PLCB4: variants seen among roughly 807,000 people sequenced by gnomAD.
The protein encoded by PLCB4 is 1-phosphatidylinositol 4,5-bisphosphate phosphodiesterase beta-4.
In PLCB4, 77 loss-of-function variants were observed where a neutral mutation model predicts 178.8. The observed-to-expected ratio is 0.43, with a 90% CI of 0.36 to 0.52. The LOEUF (loss-of-function observed/expected upper bound fraction) is 0.52, where lower values mean the gene tolerates loss of function less well. Among genes scored for constraint, PLCB4 ranks in the 20% least tolerant of loss-of-function variants. The pLI is 0.00. For missense variants in PLCB4, 1,024 were observed against 1,453.4 expected (o/e 0.70, Z 4.80); for synonymous variants, 496 against 490.8 (o/e 1.01, Z -0.14).
intron 14 of PLCB4, among the ~76,000 whole-genome samples, chr20:9,387,222 G>A (rs1317930612): frequency 6.6e-6 from 1 of 152,098 alleles, no homozygotes. Flanking sequence ...CCAGAACCAT[G>A]ATGCTTGTTA....
intron 2 of PLCB4, among the ~76,000 whole-genome samples, chr20:9,206,292 CT>C (rs2093612571): frequency 1.1e-5 from 1 of 90,970 alleles, no homozygotes; most frequent in African/African-American, 4.6e-5. Context: ...CCTTTTTTTT[CT>C]TTTTTCTTTT....
At chr20:9,211,931 A>G (rs2093677381) in intron 2 of PLCB4, among the ~76,000 whole-genome samples, 1 of 152,184 alleles carries the variant, frequency 6.6e-6, no homozygotes, top group South Asian at 2.1e-4. Flanking sequence ...TTAGTGGGAG[A>G]GTGTTCCGCT....
intron 19 of PLCB4, among the ~76,000 whole-genome samples, chr20:9,398,085 G>A (rs986901121): frequency 2.6e-5 from 4 of 152,180 alleles, no homozygotes; most frequent in African/African-American, 9.7e-5. Context: ...GCTTCTCATA[G>A]CACGATGGCT....
chr20:9,117,541 A>C, intron 2 of PLCB4, among the ~76,000 whole-genome samples: 1 of 152,160 alleles, frequency 6.6e-6, no homozygotes, highest in East Asian at 1.9e-4. Flanking sequence ...TATCTTCAAA[A>C]ATTTAAATAA....
At chr20:9,325,409 A>C (rs1020151185) in intron 4 of PLCB4, among the ~76,000 whole-genome samples, 7 of 152,164 alleles carry the variant, frequency 4.6e-5, no homozygotes, top group Non-Finnish European at 7.3e-5. Flanking sequence ...TCTTGAAAAC[A>C]CATTTTGCTT....
chr20:9,193,643 T>C (rs2093432385), intron 2 of PLCB4, among the ~76,000 whole-genome samples: 1 of 152,160 alleles, frequency 6.6e-6, no homozygotes, highest in African/African-American at 2.4e-5. Flanking sequence ...GAGGTGACTC[T>C]TGAAAAAAGA....
At chr20:9,100,495 G>C (rs888518070) in intron 2 of PLCB4, among the ~76,000 whole-genome samples, 14 of 152,034 alleles carry the variant, frequency 9.2e-5, no homozygotes, top group Admixed American at 6.6e-4. Flanking sequence ...AAAATCAAAA[G>C]AAACCACTTA....
At chr20:9,285,859 G>A (rs1371165200) in intron 3 of PLCB4, among the ~76,000 whole-genome samples, 1 of 152,024 alleles carries the variant, frequency 6.6e-6, no homozygotes, top group African/African-American at 2.4e-5. Context: ...TTAGAATGCT[G>A]TACAGCAGTG....
chr20:9,424,020 CT>C (rs1171193714), intron 28 of PLCB4, 68 bp downstream of exon 28: 1 of 1,024,464 alleles, frequency 9.8e-7, no homozygotes, highest in Admixed American at 1.8e-5. Flanking sequence ...TATAAAACAT[CT>C]TGTCCATGCT....
chr20:9,338,200 G>C (rs34265063), intron 6 of PLCB4, 133 bp downstream of exon 6: 1 of 648,744 alleles, frequency 1.5e-6, no homozygotes, highest in East Asian at 2.8e-5. Flanking sequence ...TTTGAGAATA[G>C]CATGTGGTTG....
chr20:9,334,926 A>G (rs898212022), intron 4 of PLCB4, among the ~76,000 whole-genome samples: 1 of 152,110 alleles, frequency 6.6e-6, no homozygotes, highest in Non-Finnish European at 1.5e-5. Context: ...AGAATTTTGT[A>G]TTTAAGGAGG....
At chr20:9,153,597 G>A (rs527558524) in intron 2 of PLCB4, among the ~76,000 whole-genome samples, 10 of 152,172 alleles carry the variant, frequency 6.6e-5, no homozygotes, top group Middle Eastern at 3.4e-3. Context: ...TCCCGGTCTC[G>A]GATATGTCTT....
At chr20:9,238,418 G>A (rs977174312) in intron 3 of PLCB4, among the ~76,000 whole-genome samples, 2 of 152,080 alleles carry the variant, frequency 1.3e-5, no homozygotes, top group African/African-American at 4.8e-5. Flanking sequence ...CCCCCCCCGA[G>A]GGACACCTTA....
At chr20:9,325,693 C>T (rs947561810) in intron 4 of PLCB4, among the ~76,000 whole-genome samples, 1 of 152,154 alleles carries the variant, frequency 6.6e-6, no homozygotes, top group Admixed American at 6.5e-5. Flanking sequence ...GAATCCCTAG[C>T]TATTAGTGAC....
At chr20:9,178,324 A>T (rs2093188137) in intron 2 of PLCB4, among the ~76,000 whole-genome samples, 1 of 152,196 alleles carries the variant, frequency 6.6e-6, no homozygotes, top group Non-Finnish European at 1.5e-5. Flanking sequence ...TTTGTCTCAA[A>T]AAATAAATAA....
rs574783553 is a variant in PLCB4 at position 9,194,743 on chromosome 20, A to T, written c.-78-22647A>T. ...ACCTTTTTTTAATTTCCTTACTTCA[A>T]CCCAAATGGATGCATCTGTAAAATT... On this transcript the variant is annotated intron_variant, in intron 2 of 39. Coordinates refer to ENST00000378473, the MANE Select transcript of PLCB4 (RefSeq NM_001377142.1). 2.0e-5 allele frequency among the ~76,000 whole-genome samples: 3 copies of T among 151,860 alleles called. No homozygotes were observed. In the South Asian group the frequency reaches 6.3e-4, roughly 32 times the overall value.
rs2094464493 is a variant in PLCB4, at chr20:9,278,012, T to C, written c.-15-29788T>C. Among the ~76,000 whole-genome samples the C allele has an allele frequency of 1.3e-5, 2 of 152,064 alleles. 1 individual carries two copies. Among genetic ancestry groups the C allele is most frequent in the South Asian group, 4.1e-4 (2 of 4,836 alleles). ...CCTTAGAAGGTAACTTTATGCTATT[T>C]GTATTCAATTAAATCTCACAAGCCA... is the stretch of plus-strand genomic sequence containing the variant. On this transcript the variant is annotated intron_variant, in intron 3 of 39. Coordinates refer to ENST00000378473, the MANE Select transcript of PLCB4 (RefSeq NM_001377142.1).
intron 2 of PLCB4, among the ~76,000 whole-genome samples, chr20:9,173,957 T>G (rs1044776426): frequency 4.6e-5 from 7 of 152,226 alleles, no homozygotes; most frequent in Non-Finnish European, 8.8e-5. Context: ...AGTTGGATAT[T>G]TATCCACCAA....
At position 9,331,354 on chromosome 20, in the gene PLCB4, C is replaced by G. The variant is rs149439301; in HGVS notation, c.85-5772C>G. Among the ~76,000 whole-genome samples the G allele has an allele frequency of 3.4e-3, 519 of 152,284 alleles. 2 individuals are homozygous for G. The highest frequency in any genetic ancestry group is 0.012 in the African/African-American group (484 of 41,546). On this transcript the variant is annotated intron_variant, in intron 4 of 39. Coordinates refer to ENST00000378473, the MANE Select transcript of PLCB4 (RefSeq NM_001377142.1). The stretch of plus-strand genomic sequence containing the variant: ...TTATGATCTGGTCCAAAATAGCTGT[C>G]CCTAGCTGGTAATAAGACTTGACTA...
Sources: allele counts gnomAD v4.1 joint callset (sites outside exome capture counted in the v4.1 genomes callset), GRCh38; gene constraint gnomAD v4.1.1; transcripts MANE v1.5; gene names NCBI Gene and HGNC (gene_info 2026-07-23, HGNC 2026-07-21).